Variants in CDH13 observed in about 807,000 individuals in gnomAD.
The protein encoded by CDH13 is cadherin-13.
In CDH13, 24 loss-of-function variants were observed where a neutral mutation model predicts 63.8. The observed-to-expected ratio is 0.38, with a 90% CI of 0.27 to 0.53. CDH13 has a LOEUF of 0.53. Among genes scored for constraint, CDH13 ranks in the 20% least tolerant of loss-of-function variants. CDH13 has a pLI of 0.85. For synonymous variants in CDH13, 503 were observed against 355.3 expected (o/e 1.42, Z -4.67); for missense variants, 1,049 against 903.1 (o/e 1.16, Z -2.07).
chr16:82,638,115 T>C (rs895712119), intron 1 of CDH13, among the ~76,000 whole-genome samples: 3 of 152,244 alleles, frequency 2.0e-5, no homozygotes, highest in African/African-American at 7.2e-5. Context: ...TGCCTCCCTC[T>C]TTCTGCTGTC....
At chr16:82,968,736 G>T (rs1470420476) in intron 2 of CDH13, among the ~76,000 whole-genome samples, 3 of 152,158 alleles carry the variant, frequency 2.0e-5, no homozygotes, top group Non-Finnish European at 4.4e-5. Flanking sequence ...TCTAGCATCA[G>T]TCATATGGTG....
chr16:83,112,004 C>G (rs1215868069), intron 3 of CDH13, among the ~76,000 whole-genome samples: 2 of 152,116 alleles, frequency 1.3e-5, no homozygotes, highest in East Asian at 3.9e-4. Flanking sequence ...TTTCTTATAC[C>G]CACATAATTT....
intron 13 of CDH13, among the ~76,000 whole-genome samples, chr16:83,794,626 C>CATATATATATATATATATATATATAT (rs34550866): frequency 2.7e-4 from 40 of 149,178 alleles, no homozygotes; most frequent in African/African-American, 7.6e-4. Context: ...CTTAAGTCAA[C>CATATATATATATATATATATATATAT]ATATATATAT....
chr16:83,486,737 G>C, intron 7 of CDH13, 82 bp downstream of exon 7: 1 of 1,362,922 alleles, frequency 7.3e-7, no homozygotes, highest in Admixed American at 1.8e-5. Flanking sequence ...GCTCCAGTCA[G>C]TGGTTTTTTT....
At chr16:83,278,527 A>G (rs1427367049) in intron 5 of CDH13, among the ~76,000 whole-genome samples, 1 of 152,202 alleles carries the variant, frequency 6.6e-6, no homozygotes, top group Non-Finnish European at 1.5e-5. Flanking sequence ...AGTTGAAGCT[A>G]TCAACCCGGC....
At chr16:82,654,781 G>C (rs530941833) in intron 1 of CDH13, among the ~76,000 whole-genome samples, 1 of 151,872 alleles carries the variant, frequency 6.6e-6, no homozygotes, top group Non-Finnish European at 1.5e-5. Flanking sequence ...GAAAGGATGA[G>C]GGCAGCTTCT....
intron 5 of CDH13, among the ~76,000 whole-genome samples, chr16:83,285,694 C>G (rs1463679731): frequency 6.6e-6 from 1 of 152,098 alleles, no homozygotes; most frequent in South Asian, 2.1e-4. Flanking sequence ...ATATAAGAGA[C>G]TTGAGCATTC....
intron 4 of CDH13, among the ~76,000 whole-genome samples, chr16:83,187,610 G>A (rs540603326): frequency 8.6e-5 from 13 of 152,008 alleles, no homozygotes; most frequent in Non-Finnish European, 1.9e-4. Flanking sequence ...CCGCAGCTCT[G>A]GAGTGACTCA....
intron 5 of CDH13, among the ~76,000 whole-genome samples, chr16:83,302,266 G>C (rs567644306): frequency 6.6e-6 from 1 of 152,218 alleles, no homozygotes; most frequent in South Asian, 2.1e-4. Flanking sequence ...ATCCTTTATT[G>C]GTTACTTTTA....
chr16:83,790,221 A>G (rs965830789), intron 13 of CDH13: 7 of 152,230 alleles, frequency 4.6e-5, no homozygotes, highest in Non-Finnish European at 1.0e-4. Context: ...GAAAAGGATA[A>G]TAACAACATT....
At chr16:83,567,180 G>A (rs1030425111) in intron 7 of CDH13, among the ~76,000 whole-genome samples, 2 of 152,164 alleles carry the variant, frequency 1.3e-5, no homozygotes, top group Non-Finnish European at 2.9e-5. Context: ...CACTCTTCTG[G>A]GCTTTCCCAG....
chr16:82,667,648 A>G (rs1161318881), intron 1 of CDH13, among the ~76,000 whole-genome samples: 2 of 152,282 alleles, frequency 1.3e-5, no homozygotes, highest in African/African-American at 2.4e-5. Context: ...GAGCCCAGGC[A>G]GAGCTGAGAT....
chr16:82,776,384 C>T (rs771941193), intron 1 of CDH13, among the ~76,000 whole-genome samples: 2 of 152,114 alleles, frequency 1.3e-5, no homozygotes, highest in Admixed American at 6.5e-5. Flanking sequence ...GCAAAAAAAC[C>T]CAGTGCAGAG....
chr16:83,307,711 C>T (rs148166648), intron 5 of CDH13, among the ~76,000 whole-genome samples: 41 of 152,282 alleles, frequency 2.7e-4, no homozygotes, highest in Non-Finnish European at 5.1e-4. Context: ...AAAGATAACA[C>T]ACCACCTGTG....
intron 11 of CDH13, among the ~76,000 whole-genome samples, chr16:83,773,088 A>AC (rs972533059): frequency 6.8e-4 from 103 of 152,258 alleles, no homozygotes; most frequent in African/African-American, 2.3e-3. Context: ...TTAGGCTCCA[A>AC]CCCTTCCACA....
chr16:83,409,153 C>T (rs2092090099), intron 6 of CDH13, among the ~76,000 whole-genome samples: 1 of 152,116 alleles, frequency 6.6e-6, no homozygotes, highest in African/African-American at 2.4e-5. Context: ...AATAACGTAA[C>T]CAGCCAGCTG....
At chr16:83,217,587 C>T in intron 5 of CDH13, 90 bp downstream of exon 5, 2 of 1,355,146 alleles carry the variant, frequency 1.5e-6, no homozygotes, top group Non-Finnish European at 2.0e-6. Flanking sequence ...ATTTCTGTGC[C>T]TCATCAAACC....
intron 1 of CDH13, among the ~76,000 whole-genome samples, chr16:82,632,093 A>G (rs1180725477): frequency 1.3e-5 from 2 of 152,274 alleles, no homozygotes; most frequent in East Asian, 3.9e-4. Flanking sequence ...CTAGATCCAC[A>G]CTTCAACATG....
intron 4 of CDH13, among the ~76,000 whole-genome samples, chr16:83,149,427 G>A (rs1159300472): frequency 6.6e-6 from 1 of 152,116 alleles, no homozygotes; most frequent in Non-Finnish European, 1.5e-5. Flanking sequence ...GTCCATGATA[G>A]GATCACAACA....
Sources: gnomAD v4.1 joint callset for allele counts (sites outside exome capture counted in the v4.1 genomes callset) on GRCh38, gnomAD v4.1.1 for gene constraint, MANE v1.5 for transcripts, NCBI Gene and HGNC (gene_info 2026-07-23, HGNC 2026-07-21) for gene names.